TGM3: variants seen among roughly 807,000 people sequenced by gnomAD.
The protein encoded by TGM3 is transglutaminase 3.
TGM3 carries 52 observed loss-of-function variants against 73.8 expected under a neutral mutation model. The ratio of observed to expected loss-of-function variants is 0.70; its 90% CI spans 0.56 to 0.89. The LOEUF (loss-of-function observed/expected upper bound fraction) is 0.89. Among genes scored for constraint, TGM3 ranks in the 40% least tolerant of loss-of-function variants. The pLI, the probability that TGM3 is intolerant of heterozygous loss-of-function variation, is 0.00. For synonymous variants in TGM3, 372 were observed against 354.9 expected (o/e 1.05, Z -0.54); for missense variants, 928 against 909.9 (o/e 1.02, Z -0.26).
chr20:2,313,061 A>C (rs761492425), intron 5 of TGM3, 35 bp downstream of exon 5: 2 of 1,613,296 alleles, frequency 1.2e-6, no homozygotes, highest in Non-Finnish European at 1.7e-6. Context: ...GCTAGTTGTC[A>C]TCATATATTG....
chr20:2,334,535 A>C lies in TGM3; in HGVS notation c.1643-581A>C, dbSNP rs1318940584. ...GCTATTAGATGACGGGGAGGATCCT[A>C]AGCGTTTGTTTAGCCAATACCCTGG... On this transcript the variant is annotated intron_variant, in intron 10 of 12. Coordinates refer to ENST00000381458, the MANE Select transcript of TGM3 (RefSeq NM_003245.4). The surrounding 1 kb of genome is among the most constrained non-coding windows in gnomAD (Gnocchi z 4.0). Among the ~76,000 whole-genome samples, 2 of 152,160 alleles carry C rather than the reference A, an allele frequency of 1.3e-5. No homozygotes were observed. The highest frequency in any genetic ancestry group is 2.9e-5 in the Non-Finnish European group (2 of 68,016).
rs150916095 is a variant in TGM3, at chr20:2,314,135, G to A, written c.669+1109G>A. 2.1e-3 allele frequency among the ~76,000 whole-genome samples: 322 copies of A among 151,860 alleles called. 2 individuals are homozygous for A. Among genetic ancestry groups the A allele is most frequent in the African/African-American group, 6.9e-3 (286 of 41,422 alleles). ...TGGTGAGCCAAGATCATGCCACTGC[G>A]CTCCAGCCTGGGTGACAGAGTAAGA... On this transcript the variant is annotated intron_variant, in intron 5 of 12. Coordinates refer to ENST00000381458, the MANE Select transcript of TGM3 (RefSeq NM_003245.4).
At position 2,332,133 on chromosome 20, in the gene TGM3, G is replaced by A. The variant is rs2084323892; in HGVS notation, c.1465G>A (p.Val489Ile). The change falls in exon 10 of 13, where the codon GTC (valine) becomes ATC (isoleucine). Residue 489 changes from valine (V) to isoleucine (I), a missense_variant. Physicochemically the swap from Val to Ile is conservative, Grantham distance 29. Coordinates refer to ENST00000381458, the MANE Select transcript of TGM3 (RefSeq NM_003245.4). The surrounding 1 kb of genome is among the most constrained non-coding windows in gnomAD (Gnocchi z 4.4). The part of the protein sequence containing the change: ...QEPSIIGKLK[V>I]AGMLAVGKEV... ...GCCCAGCATCATCGGGAAGCTGAAG[G>A]TCGCTGGCATGCTGGCAGTAGGCAA... 3.1e-6 allele frequency: 5 copies of A among 1,614,094 alleles called. No individual in the cohort carries two copies. The highest frequency in any genetic ancestry group is 4.2e-6 in the Non-Finnish European group (5 of 1,180,042).
Position 2,334,815 on chromosome 20 carries a change from T to G in TGM3, c.1643-301T>G, listed in dbSNP as rs917137891. Among the ~76,000 whole-genome samples, 2 of 152,186 alleles carry G rather than the reference T, an allele frequency of 1.3e-5. No homozygotes were observed. The highest frequency in any genetic ancestry group is 2.9e-5 in the Non-Finnish European group (2 of 68,022). ...AAAAAATTTTAAAAAAAAAGGACAC[T>G]TGCCCTCCAACATTTTTCGGAGTCG... is the stretch of plus-strand genomic sequence containing the variant. On this transcript the variant is annotated intron_variant, in intron 10 of 12. Transcript: ENST00000381458. The surrounding 1 kb of genome is among the most constrained non-coding windows in gnomAD (Gnocchi z 4.0).
In TGM3 at chr20:2,337,589, G is replaced by A. The variant is rs45501192; in HGVS notation, c.1801-2265G>A. Among the ~76,000 whole-genome samples, 769 of 152,016 alleles carry A rather than the reference G, an allele frequency of 5.1e-3. 6 individuals carry two copies. The highest frequency in any genetic ancestry group is 0.017 in the African/African-American group (691 of 41,442). ...GAAAAAATTAGCCAGGCATGGTGGCGGGCACCTATAATCCCAGCTACTTGG... is the reference window on the plus strand; with the variant it reads ...GAAAAAATTAGCCAGGCATGGTGGCAGGCACCTATAATCCCAGCTACTTGG... On this transcript the variant is annotated intron_variant, in intron 11 of 12. Coordinates refer to ENST00000381458, the MANE Select transcript of TGM3 (RefSeq NM_003245.4).
rs767296837 is a variant in TGM3, at chr20:2,340,428, C to T, written c.1935-6C>T. On this transcript the variant is annotated splice_region_variant and splice_polypyrimidine_tract_variant and intron_variant, in intron 12 of 12. Coordinates refer to ENST00000381458, the MANE Select transcript of TGM3 (RefSeq NM_003245.4). ...TATCAACACTGATCTGTGCCCTCCC[C>T]ATCAGCGTGCCGACCCTAGGGCCCA... The T allele has an allele frequency of 1.2e-6, 2 of 1,613,952 alleles. No individual in the cohort carries two copies. Among genetic ancestry groups the T allele is most frequent in the Non-Finnish European group, 1.7e-6 (2 of 1,179,890 alleles).
chr20:2,338,084 T>G (rs2084361186), intron 11 of TGM3, among the ~76,000 whole-genome samples: 1 of 152,110 alleles, frequency 6.6e-6, no homozygotes, highest in Non-Finnish European at 1.5e-5. Context: ...CACCGATTTT[T>G]AAACTGGAGA....
chr20:2,328,017 G>A lies in TGM3; in HGVS notation c.1088-103G>A. On this transcript the variant is annotated intron_variant, in intron 8 of 12. Coordinates refer to ENST00000381458, the MANE Select transcript of TGM3 (RefSeq NM_003245.4). This position sits in a 1 kb window ranked among gnomAD's most constrained non-coding sequence, Gnocchi z 5.2. ...TCAGGGGTGAAGGAATTTGGGCGGG[G>A]CAGAGGCAGGGGGTTGCAGTGGTCC... 3 of 1,531,090 alleles carry A rather than the reference G, an allele frequency of 2.0e-6. No individual in the cohort carries two copies. Among genetic ancestry groups the A allele is most frequent in the Admixed American group, 1.7e-5 (1 of 57,382 alleles). The allele number at this position is 1,531,090 out of a possible 1,614,324, so 94.8% of individuals were successfully genotyped here. A position where few individuals can be genotyped will look rare whatever the true frequency, so the allele number is the denominator to read the frequency against.
At position 2,334,475 on chromosome 20, in the gene TGM3, G is replaced by C. The variant is rs2084337349; in HGVS notation, c.1643-641G>C. ...TAGAAGAACTAGAGACCAGACCAGA[G>C]GAATGAAGGGGATGCTGTGGCAGTA... On this transcript the variant is annotated intron_variant, in intron 10 of 12. Coordinates refer to ENST00000381458, the MANE Select transcript of TGM3 (RefSeq NM_003245.4). The surrounding 1 kb of genome is among the most constrained non-coding windows in gnomAD (Gnocchi z 4.0). Among the ~76,000 whole-genome samples, 1 of 152,212 alleles carries C rather than the reference G, an allele frequency of 6.6e-6. No homozygotes were observed. Among genetic ancestry groups the C allele is most frequent in the Admixed American group, 6.5e-5 (1 of 15,284 alleles).
At chr20:2,337,645 G>C (rs923553660) in intron 11 of TGM3, among the ~76,000 whole-genome samples, 1 of 149,604 alleles carries the variant, frequency 6.7e-6, no homozygotes, top group African/African-American at 2.5e-5. Flanking sequence ...GCTTGAACCC[G>C]AGAGGCAGCG....
At chr20:2,305,588 G>A (rs758270149) in intron 1 of TGM3, among the ~76,000 whole-genome samples, 9 of 152,222 alleles carry the variant, frequency 5.9e-5, no homozygotes, top group Non-Finnish European at 1.3e-4. Context: ...AAAGAAGGCT[G>A]ATGACAAAAG....
At position 2,297,045 on chromosome 20, in the gene TGM3, C is replaced by T. The variant is rs140059614; in HGVS notation, c.7+975C>T. Among the ~76,000 whole-genome samples the T allele has an allele frequency of 3.0e-4, 46 of 152,324 alleles. 1 individual carries two copies. The East Asian group carries it at 7.2e-3, about 24-fold the overall frequency. On this transcript the variant is annotated intron_variant, in intron 1 of 12. Transcript: ENST00000381458. Reference sequence around the variant, plus strand: ...AGGCCCCCTCCCCTGTCTCCCATTCCTTGCTGTAATGTACAGCATGGCTGG... The same window carrying T: ...AGGCCCCCTCCCCTGTCTCCCATTCTTTGCTGTAATGTACAGCATGGCTGG...
At chr20:2,314,987 C>G (rs1223779235) in intron 5 of TGM3, among the ~76,000 whole-genome samples, 4 of 152,140 alleles carry the variant, frequency 2.6e-5, no homozygotes, top group African/African-American at 4.8e-5. Context: ...TAGACTGAGC[C>G]TGGCAAGAAA....
chr20:2,315,923 A>G (rs986051239), intron 5 of TGM3, among the ~76,000 whole-genome samples: 4 of 152,230 alleles, frequency 2.6e-5, no homozygotes, highest in Non-Finnish European at 5.9e-5. Context: ...TAGAGAGAAA[A>G]GCATAATGAA....
rs773026321 is a variant in TGM3 at position 2,309,802 on chromosome 20, C to A, written c.153C>A (p.Asn51Lys). ...TCATGAACAAAGGCCTTGGCTCTAA[C>A]GAAAGACTGGAGTTCATTGTCTCCA... ...LMIMNKGLGS[N>K]ERLEFIVSTG... Residue 51 changes from asparagine (N) to lysine (K), a missense_variant, in exon 2 of 13, where the codon AAC becomes AAA. Physicochemically the swap from Asn to Lys is moderately conservative, Grantham distance 94. Transcript: ENST00000381458. 2 of 1,614,220 alleles carry A rather than the reference C, an allele frequency of 1.2e-6. No individual in the cohort carries two copies. Among genetic ancestry groups the A allele is most frequent in the South Asian group, 2.2e-5 (2 of 91,086 alleles).
intron 1 of TGM3, among the ~76,000 whole-genome samples, chr20:2,305,376 G>T (rs1050691004): frequency 1.3e-5 from 2 of 152,150 alleles, no homozygotes; most frequent in Non-Finnish European, 2.9e-5. Context: ...AGGCTTTCAG[G>T]AACTTTGTGC....
At chr20:2,314,012 A>AAC (rs202015915) in intron 5 of TGM3, among the ~76,000 whole-genome samples, 2 of 20,572 alleles carry the variant, frequency 9.7e-5, no homozygotes, top group East Asian at 0.1. Flanking sequence ...CAACAACAAC[A>AAC]AAAAAAAATT....
chr20:2,303,810 G>A (rs1349279769), intron 1 of TGM3, among the ~76,000 whole-genome samples: 1 of 152,138 alleles, frequency 6.6e-6, no homozygotes, highest in East Asian at 1.9e-4. Context: ...AAAAATCTGG[G>A]AAATTGCCCC....
intron 1 of TGM3, among the ~76,000 whole-genome samples, chr20:2,303,693 G>A (rs1264899544): frequency 2.0e-5 from 3 of 152,032 alleles, no homozygotes; most frequent in African/African-American, 4.8e-5. Context: ...CTGCACATAT[G>A]GGGGATTTCA....
Sources: gnomAD v4.1 joint callset for allele counts (sites outside exome capture counted in the v4.1 genomes callset) on GRCh38, gnomAD v4.1.1 for gene constraint, Gnocchi (gnomAD v3.1) non-coding constraint, MANE v1.5 for transcripts, NCBI Gene and HGNC (gene_info 2026-07-23, HGNC 2026-07-21) for gene names.